Variants in SRD5A2 observed in about 807,000 individuals in gnomAD.
SRD5A2 encodes the protein 3-oxo-5-alpha-steroid 4-dehydrogenase 2.
In SRD5A2, 30 loss-of-function variants were observed where a neutral mutation model predicts 27.4. That is an observed-to-expected ratio of 1.10 (90% CI 0.82 to 1.49). SRD5A2 has a LOEUF of 1.49. SRD5A2 is among the 40% of genes most tolerant of loss of function. The pLI is 0.00. For synonymous variants in SRD5A2, 141 were observed against 133.6 expected (o/e 1.06, Z -0.38); for missense variants, 348 against 323.4 (o/e 1.08, Z -0.58).
At chr2:31,655,997 G>A in the SRD5A2 span, among the ~76,000 whole-genome samples, 2 of 152,186 alleles carry the variant, frequency 1.3e-5, no homozygotes, top group Non-Finnish European at 2.9e-5. Context: ...GGTGAAAGTA[G>A]ATGCACATAT....
intron 1 of SRD5A2, among the ~76,000 whole-genome samples, chr2:31,542,998 T>G (rs1312247823): frequency 1.3e-5 from 2 of 152,148 alleles, no homozygotes; most frequent in Non-Finnish European, 2.9e-5. Context: ...GGATATACAT[T>G]ATAATCAAAC....
At chr2:31,583,646 AAAAACCAAAAAAAAAGC>A (rs1667124968), upstream of SRD5A2, among the ~76,000 whole-genome samples, 3 of 29,314 alleles carry the variant, frequency 1.0e-4, no homozygotes, top group African/African-American at 2.0e-4. Flanking sequence ...AAAGCAAAAA[AAAAACCAAAAAAAAAGC>A]AAAAAAAAAA....
chr2:31,533,730 A>G lies in SRD5A2; in HGVS notation c.318T>C (p.Pro106=). Residue 106 remains proline, a synonymous_variant, in exon 2 of 5, where the codon CCT becomes CCC. Coordinates refer to ENST00000622030, the MANE Select transcript of SRD5A2 (RefSeq NM_000348.4). ...FVYSLLNRGR[P]YPAILILRGT... The stretch of plus-strand genomic sequence containing the variant: ...CTCTGAGAATGAGTATAGCTGGATA[A>G]GGCCTCCCTCGATTGAGCAGTGAGT... 1.9e-6 allele frequency: 3 copies of G among 1,602,538 alleles called. No individual in the cohort carries two copies. The Admixed American group carries it at 5.1e-5, about 27-fold the overall frequency.
At chr2:31,572,996 G>T (rs1304416038) in intron 1 of SRD5A2, among the ~76,000 whole-genome samples, 1 of 152,164 alleles carries the variant, frequency 6.6e-6, no homozygotes, top group East Asian at 1.9e-4. Context: ...TAAAAGTAGA[G>T]AGATACTCCA....
At chr2:31,544,281 T>C (rs1433892079) in intron 1 of SRD5A2, among the ~76,000 whole-genome samples, 1 of 151,758 alleles carries the variant, frequency 6.6e-6, no homozygotes, top group Non-Finnish European at 1.5e-5. Context: ...ATAGAATAAC[T>C]AGACAGAATA....
At chr2:31,637,827 CTCTCT>C in the SRD5A2 span, among the ~76,000 whole-genome samples, 1 of 151,986 alleles carries the variant, frequency 6.6e-6, no homozygotes, top group African/African-American at 2.4e-5. Context: ...TTTAAGTCTT[CTCTCT>C]TCTCTTCTTA....
intron 1 of SRD5A2, among the ~76,000 whole-genome samples, chr2:31,558,967 A>G (rs1002400120): frequency 6.6e-6 from 1 of 152,236 alleles, no homozygotes; most frequent in Non-Finnish European, 1.5e-5. Flanking sequence ...AAATAAGGTC[A>G]TAGTCTAAGG....
In SRD5A2 at chr2:31,556,212, A is replaced by G. The variant is rs569396963; in HGVS notation, c.282-22446T>C. Reference sequence around the variant, plus strand: ...TATTTGGATGGTACCTGTTGTGTAAATAATGGTTTTAGACATATTAGAGAA... The same window carrying G: ...TATTTGGATGGTACCTGTTGTGTAAGTAATGGTTTTAGACATATTAGAGAA... On this transcript the variant is annotated intron_variant, in intron 1 of 4. Coordinates refer to ENST00000622030, the MANE Select transcript of SRD5A2 (RefSeq NM_000348.4). Among the ~76,000 whole-genome samples, 3 of 152,322 alleles carry G rather than the reference A, an allele frequency of 2.0e-5. No individual in the cohort carries two copies. In the East Asian group the frequency reaches 5.8e-4, roughly 29 times the overall value.
chr2:31,581,250 C>T (rs1198452854), upstream of SRD5A2, among the ~76,000 whole-genome samples: 46 of 152,142 alleles, frequency 3.0e-4, no homozygotes, highest in Non-Finnish European at 1.5e-5. Context: ...GGAAGAAAAC[C>T]CCACGGGGAC....
the SRD5A2 span, among the ~76,000 whole-genome samples, chr2:31,661,269 A>G: frequency 6.6e-6 from 1 of 152,170 alleles, no homozygotes; most frequent in East Asian, 1.9e-4. Context: ...ATTGAGTCTG[A>G]GTTAACACAC....
At position 31,526,106 on chromosome 2, in the gene SRD5A2, G is replaced by GATATAATAT; in HGVS notation, c.*89_*90insATATTATAT. The GATATAATAT allele has an allele frequency of 1.2e-6, 1 of 805,550 alleles. No individual in the cohort carries two copies. The allele number at this position is 805,550 out of a possible 1,614,324, so 49.9% of individuals were successfully genotyped here. A position where few individuals can be genotyped will look rare whatever the true frequency, so the allele number is the denominator to read the frequency against. On this transcript the variant is annotated 3_prime_UTR_variant, in exon 5 of 5. Transcript: ENST00000622030. ...GGAGACCTACTATTACATATATACG[G>GATATAATAT]GACTATTATATCATGAAAATTACAG...
chr2:31,551,314 T>C (rs1376497038), intron 1 of SRD5A2, among the ~76,000 whole-genome samples: 3 of 152,108 alleles, frequency 2.0e-5, no homozygotes, highest in Admixed American at 1.3e-4. Context: ...ATCCCAGAAA[T>C]TTTTAAAAAA....
intron 1 of SRD5A2, among the ~76,000 whole-genome samples, chr2:31,546,275 T>C (rs531026979): frequency 2.0e-5 from 3 of 152,194 alleles, no homozygotes; most frequent in African/African-American, 4.8e-5. Context: ...AGAAAAAATA[T>C]TGAGGACTCT....
chr2:31,526,146 C>T lies in SRD5A2; in HGVS notation c.*50G>A. 8.5e-7 allele frequency: 1 copy of T among 1,171,030 alleles called. No individual in the cohort carries two copies. Among genetic ancestry groups the T allele is most frequent in the Non-Finnish European group, 1.2e-6 (1 of 808,060 alleles). 72.5% of individuals were successfully genotyped at this position (1,171,030 alleles called of 1,614,324 possible). On this transcript the variant is annotated 3_prime_UTR_variant, in exon 5 of 5. Coordinates refer to ENST00000622030, the MANE Select transcript of SRD5A2 (RefSeq NM_000348.4). ...GAAAATTACAGTTTCAGCAGCTTGA[C>T]AGTTTTCATCAGCATTGTGGGAGCT...
chr2:31,622,071 G>C, the SRD5A2 span, among the ~76,000 whole-genome samples: 1 of 151,952 alleles, frequency 6.6e-6, no homozygotes, highest in Non-Finnish European at 1.5e-5. Flanking sequence ...CATCACCTAG[G>C]TATTACACCC....
the SRD5A2 span, among the ~76,000 whole-genome samples, chr2:31,588,854 G>C: frequency 6.6e-6 from 1 of 152,078 alleles, no homozygotes; most frequent in Non-Finnish European, 1.5e-5. Flanking sequence ...TTGGAAAATG[G>C]TGGATAGCAG....
chr2:31,558,443 G>A (rs1224226872), intron 1 of SRD5A2, among the ~76,000 whole-genome samples: 1 of 152,214 alleles, frequency 6.6e-6, no homozygotes, highest in Non-Finnish European at 1.5e-5. Context: ...CTCTAGGGAG[G>A]AGTCCTTACT....
intron 1 of SRD5A2, among the ~76,000 whole-genome samples, chr2:31,577,391 A>T (rs1221162450): frequency 2.0e-5 from 3 of 152,052 alleles, no homozygotes; most frequent in Non-Finnish European, 4.4e-5. Flanking sequence ...TTCTGTCTGT[A>T]CGGTTGTTGT....
chr2:31,572,969 A>T (rs1048958028), intron 1 of SRD5A2, among the ~76,000 whole-genome samples: 12 of 152,228 alleles, frequency 7.9e-5, no homozygotes, highest in African/African-American at 2.4e-4. Context: ...GCATAGTTAC[A>T]GAAGATGTTT....
Sources: gnomAD v4.1 joint callset for allele counts (sites outside exome capture counted in the v4.1 genomes callset) on GRCh38, gnomAD v4.1.1 for gene constraint, MANE v1.5 for transcripts, NCBI Gene and HGNC (gene_info 2026-07-23, HGNC 2026-07-21) for gene names.